Variants in CACHD1 observed in about 807,000 individuals in gnomAD.
The protein encoded by CACHD1 is VWFA and cache domain-containing protein 1.
A neutral mutation model predicts 138.7 loss-of-function variants in CACHD1; 71 were observed. The ratio of observed to expected loss-of-function variants is 0.51; its 90% CI spans 0.42 to 0.62. The LOEUF (loss-of-function observed/expected upper bound fraction) is 0.62, where lower values mean the gene tolerates loss of function less well. CACHD1 is among the 20% of genes least tolerant of loss of function. CACHD1 has a pLI of 0.00. For missense variants in CACHD1, 1,389 were observed against 1,625.3 expected (o/e 0.85, Z 2.50); for synonymous variants, 578 against 591.5 (o/e 0.98, Z 0.33).
At chr1:64,580,065 G>A (rs2100533325) in intron 2 of CACHD1, 1 of 152,276 alleles carries the variant, frequency 6.6e-6, no homozygotes, top group Admixed American at 6.5e-5. Context: ...AAAGAGGGTT[G>A]TTAGATTAGT....
At chr1:64,615,738 A>G (rs1479994787) in intron 4 of CACHD1, among the ~76,000 whole-genome samples, 2 of 152,214 alleles carry the variant, frequency 1.3e-5, no homozygotes, top group Non-Finnish European at 2.9e-5. Flanking sequence ...TTAGCTAAGC[A>G]GCAAATCAAC....
At chr1:64,661,226 A>G (rs943262560) in intron 13 of CACHD1, among the ~76,000 whole-genome samples, 1 of 152,140 alleles carries the variant, frequency 6.6e-6, no homozygotes, top group Non-Finnish European at 1.5e-5. Context: ...AATATATGTC[A>G]CCTGTGTTCA....
Position 64,654,767 on chromosome 1 carries a change from A to G in CACHD1, c.1746A>G (p.Gly582=). 2 of 1,613,788 alleles carry G rather than the reference A, an allele frequency of 1.2e-6. No individual in the cohort carries two copies. The highest frequency in any genetic ancestry group is 1.7e-6 in the Non-Finnish European group (2 of 1,179,686). Residue 582 remains glycine, a synonymous_variant, in exon 12 of 27, where the codon GGA becomes GGG. Coordinates refer to ENST00000651257, the MANE Select transcript of CACHD1 (RefSeq NM_020925.4). ...SWHINKLRET[G]KEAYNVSYAW... is the part of the protein sequence containing the mutation. Reference sequence around the variant, plus strand: ...ACATAAACAAGCTGAGAGAAACTGGAAAGGAAGCCTACAATGTTAGCTATG... The same window carrying G: ...ACATAAACAAGCTGAGAGAAACTGGGAAGGAAGCCTACAATGTTAGCTATG...
rs1650574545 is a variant in CACHD1, at chr1:64,691,962, T to TCCA, written c.*401_*402insCCA. The TCCA allele has an allele frequency of 8.3e-5, 19 of 228,032 alleles. No homozygotes were observed. In the South Asian group the frequency reaches 1.5e-3, roughly 18 times the overall value. 14.1% of individuals were successfully genotyped at this position (228,032 alleles called of 1,614,324 possible). ...AAATCTGCTCACCCAGAGACTGGAA[T>TCCA]GTGGCACATGCAGATACAAATGTGT... On this transcript the variant is annotated 3_prime_UTR_variant, in exon 27 of 27. Coordinates refer to ENST00000651257, the MANE Select transcript of CACHD1 (RefSeq NM_020925.4).
At chr1:64,499,258 C>G (rs1279296631) in intron 1 of CACHD1, among the ~76,000 whole-genome samples, 2 of 152,178 alleles carry the variant, frequency 1.3e-5, no homozygotes, top group Admixed American at 6.5e-5. Context: ...TATCAGTTTT[C>G]TTCACCATTG....
chr1:64,570,228 C>A (rs890035059), intron 2 of CACHD1, among the ~76,000 whole-genome samples: 4 of 152,142 alleles, frequency 2.6e-5, no homozygotes, highest in African/African-American at 9.7e-5. Flanking sequence ...AATTACTGCT[C>A]ATATCAGGAA....
intron 1 of CACHD1, among the ~76,000 whole-genome samples, chr1:64,507,913 T>G (rs952946626): frequency 6.6e-6 from 1 of 152,222 alleles, no homozygotes; most frequent in African/African-American, 2.4e-5. Flanking sequence ...TCCTTCTGTA[T>G]TAGTCCATTC....
rs185422301 is a variant in CACHD1, at chr1:64,659,444, C to T, written c.1951+571C>T. Among the ~76,000 whole-genome samples the T allele has an allele frequency of 8.5e-5, 13 of 152,254 alleles. No individual in the cohort carries two copies. The East Asian group carries it at 2.1e-3, about 25-fold the overall frequency. On this transcript the variant is annotated intron_variant, in intron 13 of 26. Transcript: ENST00000651257. ...CTCCAAAGGAATCTATGTAGCATAT[C>T]AGCAGTAATCTACCACAGATTCCTA...
chr1:64,472,230 T>TCCTTCTTCTTCCTC (rs922205620), intron 1 of CACHD1, among the ~76,000 whole-genome samples: 23 of 151,762 alleles, frequency 1.5e-4, no homozygotes, highest in African/African-American at 5.4e-4. Flanking sequence ...TCTTCTTTCT[T>TCCTTCTTCTTCCTC]CCTTCTTCTT....
chr1:64,489,883 A>G (rs936168174), intron 1 of CACHD1, among the ~76,000 whole-genome samples: 37 of 152,292 alleles, frequency 2.4e-4, no homozygotes, highest in Non-Finnish European at 5.0e-4. Flanking sequence ...GAAGTGTTAT[A>G]ATATTATTAG....
intron 4 of CACHD1, among the ~76,000 whole-genome samples, chr1:64,622,433 A>G (rs981185784): frequency 1.3e-5 from 2 of 152,174 alleles, no homozygotes; most frequent in African/African-American, 2.4e-5. Context: ...GGTCAGTTTC[A>G]CCTTAGGTTT....
At position 64,629,494 on chromosome 1, in the gene CACHD1, G is replaced by C. The variant is rs1557527476; in HGVS notation, c.644+13G>C. The C allele has an allele frequency of 6.2e-7, 1 of 1,610,356 alleles. No individual in the cohort carries two copies. The highest frequency in any genetic ancestry group is 1.1e-5 in the South Asian group (1 of 90,130). The stretch of plus-strand genomic sequence containing the variant: ...AACACCGCAGTAGGTATGTTGACTT[G>C]CATGCTAAAGTTTTTAATTATTGCT... On this transcript the variant is annotated intron_variant, in intron 5 of 26. Coordinates refer to ENST00000651257, the MANE Select transcript of CACHD1 (RefSeq NM_020925.4).
At chr1:64,482,750 A>G (rs1646218595) in intron 1 of CACHD1, among the ~76,000 whole-genome samples, 1 of 152,198 alleles carries the variant, frequency 6.6e-6, no homozygotes, top group South Asian at 2.1e-4. Flanking sequence ...AACTTGAGAT[A>G]GTATAATTTC....
At chr1:64,649,113 G>A (rs1247440810) in intron 9 of CACHD1, among the ~76,000 whole-genome samples, 1 of 152,134 alleles carries the variant, frequency 6.6e-6, no homozygotes, top group African/African-American at 2.4e-5. Context: ...CGTGTAAAAA[G>A]TAACAAGCCT....
intron 4 of CACHD1, among the ~76,000 whole-genome samples, chr1:64,616,851 A>G (rs1326604225): frequency 6.6e-6 from 1 of 152,230 alleles, no homozygotes; most frequent in Non-Finnish European, 1.5e-5. Context: ...CATAAACAAA[A>G]TGGCTAGATG....
chr1:64,549,645 T>C (rs1480377860), intron 1 of CACHD1, among the ~76,000 whole-genome samples: 1 of 152,138 alleles, frequency 6.6e-6, no homozygotes, highest in Non-Finnish European at 1.5e-5. Flanking sequence ...TCTGGGAAGC[T>C]GTCCCAGATG....
chr1:64,482,581 G>A (rs1646217531), intron 1 of CACHD1, among the ~76,000 whole-genome samples: 1 of 152,000 alleles, frequency 6.6e-6, no homozygotes, highest in South Asian at 2.1e-4. Context: ...CATAGATTGG[G>A]TTTGTTTGTT....
At chr1:64,568,483 G>GAAAA (rs1000208107) in intron 2 of CACHD1, among the ~76,000 whole-genome samples, 12 of 152,032 alleles carry the variant, frequency 7.9e-5, no homozygotes, top group African/African-American at 2.4e-4. Context: ...GTTCAGCTAG[G>GAAAA]AAAAAACGAG....
intron 24 of CACHD1, among the ~76,000 whole-genome samples, chr1:64,680,710 A>G (rs570025540): frequency 1.3e-3 from 195 of 152,280 alleles, no homozygotes; most frequent in African/African-American, 4.5e-3. Flanking sequence ...CTTCCTGGCC[A>G]CTTAGCTCAC....
Sources: allele counts gnomAD v4.1 joint callset (sites outside exome capture counted in the v4.1 genomes callset), GRCh38; gene constraint gnomAD v4.1.1; transcripts MANE v1.5; gene names NCBI Gene and HGNC (gene_info 2026-07-23, HGNC 2026-07-21).